PHIP: variants seen among roughly 807,000 people sequenced by gnomAD.
PHIP encodes PHIP subunit of CUL4-Ring ligase complex.
Under a neutral mutation model 236.8 loss-of-function variants are expected in PHIP, and 54 were observed. The observed-to-expected ratio is 0.23, with a 90% CI of 0.18 to 0.29. The LOEUF (loss-of-function observed/expected upper bound fraction) is 0.29, where lower values mean the gene tolerates loss of function less well. Ranked by LOEUF, PHIP falls within the 10% of genes least tolerant of loss-of-function variation. The probability of loss-of-function intolerance (pLI) is 1.00; values close to 1 mark genes in which losing one functional copy is unlikely to be tolerated. For synonymous variants in PHIP, 756 were observed against 718.9 expected, an observed-to-expected ratio of 1.05 and a Z score of -0.83; for missense variants, 1,370 against 2,190.8, an observed-to-expected ratio of 0.63 and a Z score of 7.48.
intron 34 of PHIP, 74 bp from the exon 35 acceptor site, chr6:78,955,037 T>C: frequency 1.9e-6 from 2 of 1,048,684 alleles, no homozygotes; most frequent in South Asian, 3.4e-5. Flanking sequence ...AATGTAGTCT[T>C]AGATAATTGG....
intron 7 of PHIP, among the ~76,000 whole-genome samples, chr6:79,030,967 G>A (rs529785490): frequency 5.3e-5 from 8 of 151,650 alleles, no homozygotes; most frequent in South Asian, 2.1e-4. Flanking sequence ...GTTTTGAGAC[G>A]AAGTCTTCCT....
chr6:78,940,556 T>G lies in PHIP; in HGVS notation c.*137A>C, dbSNP rs1313352922. ...AAGTGTCTCGTAAGTTTGTTTTTTT[T>G]TTTTTTTTTTTTTTTGCAAATCAAA... On this transcript the variant is annotated 3_prime_UTR_variant, in exon 40 of 40. Coordinates refer to ENST00000275034, the MANE Select transcript of PHIP (RefSeq NM_017934.7). 5.6e-6 allele frequency: 1 copy of G among 177,964 alleles called. No homozygotes were observed. Among genetic ancestry groups the G allele is most frequent in the Non-Finnish European group, 1.1e-5 (1 of 89,750 alleles). 11.0% of individuals were successfully genotyped at this position (177,964 alleles called of 1,614,324 possible).
intron 15 of PHIP, among the ~76,000 whole-genome samples, chr6:79,010,156 CTGAT>C (rs1770502342): frequency 6.6e-6 from 1 of 151,604 alleles, no homozygotes; most frequent in Admixed American, 6.6e-5. Context: ...GACTCTTCTC[CTGAT>C]TAATAAGAGA....
intron 6 of PHIP, among the ~76,000 whole-genome samples, chr6:79,058,915 T>A (rs1484632771): frequency 6.6e-6 from 1 of 152,114 alleles, no homozygotes; most frequent in Non-Finnish European, 1.5e-5. Flanking sequence ...ATATTTTATC[T>A]TTCCCTTCTT....
At chr6:79,003,683 T>G in intron 16 of PHIP, 47 bp downstream of exon 16, 1 of 1,380,788 alleles carries the variant, frequency 7.2e-7, no homozygotes, top group Non-Finnish European at 9.8e-7. Context: ...CCCCTAAACA[T>G]GCATTAAAAA....
intron 27 of PHIP, among the ~76,000 whole-genome samples, chr6:78,966,960 T>G (rs994311275): frequency 6.6e-6 from 1 of 152,258 alleles, no homozygotes; most frequent in Non-Finnish European, 1.5e-5. Context: ...GAAATGGTGA[T>G]GTCTACCTCC....
At position 78,946,128 on chromosome 6, in the gene PHIP, A is replaced by C; in HGVS notation, c.4503T>G (p.Ser1501Arg). 1 of 1,614,064 alleles carries C rather than the reference A, an allele frequency of 6.2e-7. No individual in the cohort carries two copies. The highest frequency in any genetic ancestry group is 1.1e-5 in the South Asian group (1 of 91,076). The stretch of plus-strand genomic sequence containing the variant: ...GGTTGCTTCTGGTTCGAACCACAGA[A>C]CTAGATTCTGTTTTACCGTTTATCT... The part of the protein sequence containing the change: ...AAQINGKTES[S>R]SVVRTRSNRV... The change falls in exon 38 of 40, where the codon AGT becomes AGG. Residue 1501 changes from serine to arginine, a missense_variant. Physicochemically the swap from Ser to Arg is moderately radical, Grantham distance 110 (BLOSUM62 -1). Around this residue, in one of 14 missense-constraint regions of PHIP, gnomAD observed 309 missense variants for 328.3 expected, o/e 0.94. Coordinates refer to ENST00000275034, the MANE Select transcript of PHIP (RefSeq NM_017934.7).
chr6:79,052,329 A>AG (rs1772835469), intron 6 of PHIP, among the ~76,000 whole-genome samples: 1 of 152,216 alleles, frequency 6.6e-6, no homozygotes, highest in South Asian at 2.1e-4. Flanking sequence ...GGCTGGAAAG[A>AG]GCATAGCATT....
At chr6:79,023,995 T>C (rs1391643778) in intron 9 of PHIP, among the ~76,000 whole-genome samples, 2 of 152,242 alleles carry the variant, frequency 1.3e-5, no homozygotes, top group Non-Finnish European at 2.9e-5. Context: ...CTACTGTCCA[T>C]ATACATCAGT....
chr6:78,967,530 T>G (rs957863633), intron 27 of PHIP, among the ~76,000 whole-genome samples: 1 of 152,202 alleles, frequency 6.6e-6, no homozygotes, highest in Non-Finnish European at 1.5e-5. Context: ...CTTAATACAT[T>G]TCCGAGGAGG....
intron 38 of PHIP, 85 bp from the exon 39 acceptor site, chr6:78,945,582 G>C: frequency 1.2e-6 from 1 of 847,662 alleles, no homozygotes; most frequent in South Asian, 1.7e-5. Flanking sequence ...ATTTGAATTA[G>C]CCAAGACAAC....
At chr6:78,949,225 G>A (rs957344678) in intron 35 of PHIP, among the ~76,000 whole-genome samples, 12 of 152,034 alleles carry the variant, frequency 7.9e-5, no homozygotes, top group African/African-American at 2.9e-4. Flanking sequence ...TTCAGATTCT[G>A]CATTTGTCTA....
At position 78,940,552 on chromosome 6, in the gene PHIP, T is replaced by TTTTG. The variant is rs1319173791; in HGVS notation, c.*140_*141insCAAA. On this transcript the variant is annotated 3_prime_UTR_variant, in exon 40 of 40. Transcript: ENST00000275034. The stretch of plus-strand genomic sequence containing the variant: ...AGTGAAGTGTCTCGTAAGTTTGTTT[T>TTTTG]TTTTTTTTTTTTTTTTTTTGCAAAT... The TTTTG allele has an allele frequency of 3.7e-4, 60 of 164,100 alleles. 2 individuals are homozygous for TTTTG. Among genetic ancestry groups the TTTTG allele is most frequent in the Non-Finnish European group, 1.7e-4 (14 of 83,120 alleles). 10.2% of individuals were successfully genotyped at this position (164,100 alleles called of 1,614,324 possible).
intron 6 of PHIP, among the ~76,000 whole-genome samples, chr6:79,053,143 G>T (rs749071846): frequency 6.6e-6 from 1 of 151,834 alleles, no homozygotes; most frequent in Non-Finnish European, 1.5e-5. Flanking sequence ...GTGAAACCCC[G>T]TCTCTACTAA....
chr6:79,031,400 A>G (rs1771665139), intron 7 of PHIP, among the ~76,000 whole-genome samples: 1 of 152,242 alleles, frequency 6.6e-6, no homozygotes, highest in Non-Finnish European at 1.5e-5. Flanking sequence ...ATGAGACACC[A>G]AATTTACAGG....
rs536993629 is a variant in PHIP at position 79,028,888 on chromosome 6, ACAC to A, written c.601-2727_601-2725del. Among the ~76,000 whole-genome samples the A allele has an allele frequency of 1.3e-4, 20 of 152,330 alleles. No homozygotes were observed. The East Asian group carries it at 2.5e-3, about 19-fold the overall frequency. On this transcript the variant is annotated intron_variant, in intron 7 of 39. Transcript: ENST00000275034. ...ATATTTTTCATGTTAACAAATAAAA[ACAC>A]CAGTCTTTTGACCAAAATGTCAGTT...
chr6:78,955,793 G>C, intron 32 of PHIP, 111 bp from the exon 33 acceptor site: 1 of 491,790 alleles, frequency 2.0e-6, no homozygotes, highest in Non-Finnish European at 3.7e-6. Flanking sequence ...CTGAAGGCTT[G>C]CTTTCTTCTC....
chr6:78,942,281 G>A (rs1442315544), intron 39 of PHIP, among the ~76,000 whole-genome samples: 1 of 152,104 alleles, frequency 6.6e-6, no homozygotes, highest in African/African-American at 2.4e-5. Flanking sequence ...TCAGGAGTTC[G>A]AGACCAGCCT....
intron 7 of PHIP, among the ~76,000 whole-genome samples, chr6:79,035,027 G>A (rs1305026330): frequency 6.6e-6 from 1 of 152,140 alleles, no homozygotes; most frequent in East Asian, 1.9e-4. Context: ...CACAGAACAA[G>A]CTTGCTGACA....
Sources: allele counts gnomAD v4.1 joint callset (sites outside exome capture counted in the v4.1 genomes callset), GRCh38; gene constraint gnomAD v4.1.1; regional missense constraint gnomAD v4.1.1; transcripts MANE v1.5; gene names NCBI Gene and HGNC (gene_info 2026-07-23, HGNC 2026-07-21).